Variants in ADGRG6 observed in about 807,000 individuals in gnomAD.
The protein encoded by ADGRG6 is G-protein coupled receptor 126.
ADGRG6 carries 84 observed loss-of-function variants against 142.4 expected under a neutral mutation model. That is an observed-to-expected ratio of 0.59 (90% confidence interval 0.49 to 0.71). ADGRG6 has a LOEUF of 0.71. Ranked by LOEUF, ADGRG6 falls within the 30% of genes least tolerant of loss-of-function variation. ADGRG6 has a pLI of 0.00. For missense variants in ADGRG6, 1,367 were observed against 1,466.6 expected (o/e 0.93, Z 1.11); for synonymous variants, 521 against 520.5 (o/e 1.00, Z -0.01).
intron 22 of ADGRG6, among the ~76,000 whole-genome samples, chr6:142,423,081 G>C (rs1374901992): frequency 6.7e-6 from 1 of 148,406 alleles, no homozygotes; most frequent in Non-Finnish European, 1.5e-5. Flanking sequence ...TGTCAGATGA[G>C]TAGGTTGCGA....
chr6:142,336,002 G>A (rs1014452960), intron 2 of ADGRG6, among the ~76,000 whole-genome samples: 1 of 152,122 alleles, frequency 6.6e-6, no homozygotes, highest in Non-Finnish European at 1.5e-5. Context: ...ATATAATTTT[G>A]TAAATGTGAA....
At position 142,383,834 on chromosome 6, in the gene ADGRG6, C is replaced by A. The variant is rs375001083; in HGVS notation, c.1213C>A (p.Gln405Lys). 2.8e-5 allele frequency: 43 copies of A among 1,512,674 alleles called. No individual in the cohort carries two copies. Among genetic ancestry groups the A allele is most frequent in the Non-Finnish European group, 3.9e-5 (42 of 1,088,630 alleles). The allele number at this position is 1,512,674 out of a possible 1,614,324, so 93.7% of individuals were successfully genotyped here. Reference protein sequence around the residue: ...NMPVTNRIDKQRNDGIIYRIS... With the variant: ...NMPVTNRIDKKRNDGIIYRIS... ...GCCTGTTACTAACAGAATCGATAAA[C>A]AAAGGAATGGTAAGAAATCATTACC... Residue 405 changes from glutamine (Q) to lysine (K), a missense_variant, in exon 6 of 25, where the codon CAA (glutamine) becomes AAA (lysine). Gln to Lys is a moderately conservative substitution (Grantham distance 53, BLOSUM62 1). Coordinates refer to ENST00000367609, the MANE Select transcript of ADGRG6 (RefSeq NM_198569.3).
intron 19 of ADGRG6, among the ~76,000 whole-genome samples, chr6:142,415,485 T>C (rs1005560989): frequency 6.6e-6 from 1 of 152,164 alleles, no homozygotes; most frequent in Admixed American, 6.5e-5. Context: ...GAAATTATTT[T>C]TTAAGAAAAA....
chr6:142,312,710 C>G (rs1777829967), intron 2 of ADGRG6, among the ~76,000 whole-genome samples: 1 of 151,846 alleles, frequency 6.6e-6, no homozygotes, highest in African/African-American at 2.4e-5. Context: ...AGGCATATAC[C>G]CTATAAAATA....
intron 19 of ADGRG6, 144 bp downstream of exon 19, chr6:142,415,240 C>T: frequency 2.1e-6 from 1 of 472,476 alleles, no homozygotes; most frequent in Non-Finnish European, 3.5e-6. Context: ...TATTATGTAA[C>T]ATGAATTTTC....
At chr6:142,305,959 GA>G (rs1183126163) in intron 1 of ADGRG6, among the ~76,000 whole-genome samples, 3 of 151,942 alleles carry the variant, frequency 2.0e-5, no homozygotes, top group African/African-American at 7.2e-5. Flanking sequence ...CCAAAAAAAA[GA>G]AAAACGATTA....
chr6:142,379,312 A>G (rs940981445), intron 4 of ADGRG6, among the ~76,000 whole-genome samples: 4 of 152,206 alleles, frequency 2.6e-5, no homozygotes, highest in Non-Finnish European at 5.9e-5. Context: ...ATCTGTATCT[A>G]TCTCTTTCTG....
intron 2 of ADGRG6, among the ~76,000 whole-genome samples, chr6:142,311,303 T>G (rs1180030174): frequency 6.6e-6 from 1 of 151,924 alleles, no homozygotes. Context: ...TCAGATAAGG[T>G]CTTGTGACAG....
At chr6:142,371,475 T>G (rs76059537) in intron 4 of ADGRG6, among the ~76,000 whole-genome samples, 2 of 111,302 alleles carry the variant, frequency 1.8e-5, no homozygotes, top group South Asian at 2.6e-4. Context: ...CCAGTTACTG[T>G]TTTTTTTTGT....
At chr6:142,338,151 G>C (rs1779437534) in intron 2 of ADGRG6, among the ~76,000 whole-genome samples, 1 of 150,362 alleles carries the variant, frequency 6.7e-6, no homozygotes, top group Non-Finnish European at 1.5e-5. Context: ...CTCCCGAGTA[G>C]CTGCGACTAC....
intron 2 of ADGRG6, among the ~76,000 whole-genome samples, chr6:142,336,213 A>G (rs1329501322): frequency 6.6e-6 from 1 of 152,208 alleles, no homozygotes; most frequent in Non-Finnish European, 1.5e-5. Context: ...TTTTGATTCA[A>G]ACTCCAGTGG....
intron 20 of ADGRG6, 62 bp from the exon 21 acceptor site, chr6:142,417,211 C>T (rs1254912800): frequency 1.2e-6 from 1 of 817,286 alleles, no homozygotes; most frequent in Admixed American, 1.9e-5. Flanking sequence ...ATTTCATTAG[C>T]AGTCTTATGA....
In ADGRG6 at chr6:142,392,937, G is replaced by A. The variant is rs531635523; in HGVS notation, c.1309-11G>A. 3 of 1,585,322 alleles carry A rather than the reference G, an allele frequency of 1.9e-6. No individual in the cohort carries two copies. Among genetic ancestry groups the A allele is most frequent in the East Asian group, 2.2e-5 (1 of 44,626 alleles). On this transcript the variant is annotated splice_polypyrimidine_tract_variant and intron_variant, in intron 7 of 24. Coordinates refer to ENST00000367609, the MANE Select transcript of ADGRG6 (RefSeq NM_198569.3). ...TTAGCAAAACTCAGCCTTTTCCATTGTGTTTTCCAGCTCAATTCAACCTTC... is the reference window on the plus strand; with the variant it reads ...TTAGCAAAACTCAGCCTTTTCCATTATGTTTTCCAGCTCAATTCAACCTTC...
chr6:142,354,446 T>C (rs562874294), intron 2 of ADGRG6, among the ~76,000 whole-genome samples: 1 of 152,244 alleles, frequency 6.6e-6, no homozygotes, highest in African/African-American at 2.4e-5. Context: ...TAATCCTCAG[T>C]TTGTCAGTTA....
chr6:142,376,820 GA>G (rs1421757618), intron 4 of ADGRG6, among the ~76,000 whole-genome samples: 4 of 151,990 alleles, frequency 2.6e-5, no homozygotes, highest in East Asian at 1.9e-4. Context: ...CAACTGCAAA[GA>G]AAAAAATGAA....
intron 24 of ADGRG6, chr6:142,440,922 G>C: frequency 6.7e-7 from 1 of 1,486,654 alleles, no homozygotes; most frequent in Non-Finnish European, 9.0e-7. Flanking sequence ...TGTCTCCTAT[G>C]AGCATTCCTT....
chr6:142,402,379 T>C lies in ADGRG6; in HGVS notation c.1745-241T>C, dbSNP rs139915700. Among the ~76,000 whole-genome samples the C allele has an allele frequency of 4.2e-4, 64 of 152,262 alleles. No homozygotes were observed. In the East Asian group the frequency reaches 7.7e-3, roughly 18 times the overall value. On this transcript the variant is annotated intron_variant, in intron 12 of 24. Transcript: ENST00000367609. The stretch of plus-strand genomic sequence containing the variant: ...TTCAGGGATTCTGGGAATGTTTCTC[T>C]TAGAACTTTGTGTGTTCATTCATCC...
At chr6:142,419,365 A>G (rs1164252258) in intron 21 of ADGRG6, among the ~76,000 whole-genome samples, 3 of 152,148 alleles carry the variant, frequency 2.0e-5, no homozygotes, top group Admixed American at 2.0e-4. Context: ...GTCTACCACT[A>G]ATAGCTCTTC....
chr6:142,394,258 C>G (rs1224443329), intron 9 of ADGRG6, among the ~76,000 whole-genome samples: 1 of 152,086 alleles, frequency 6.6e-6, no homozygotes, highest in African/African-American at 2.4e-5. Flanking sequence ...CTTGAAATTG[C>G]AAAGGTACCT....
Sources: allele counts gnomAD v4.1 joint callset (sites outside exome capture counted in the v4.1 genomes callset), GRCh38; gene constraint gnomAD v4.1.1; transcripts MANE v1.5; gene names NCBI Gene and HGNC (gene_info 2026-07-23, HGNC 2026-07-21).